The following LOXHD1 variants were observed in gnomAD, a reference collection of about 807,000 sequenced individuals.
The protein encoded by LOXHD1 is lipoxygenase homology PLAT domains 1, also known as lipoxygenase homology domain-containing protein 1.
A neutral mutation model predicts 248.2 loss-of-function variants in LOXHD1; 205 were observed. The ratio of observed to expected loss-of-function variants is 0.83; its 90% CI spans 0.74 to 0.93. LOXHD1 has a LOEUF of 0.93. Ranked by LOEUF, LOXHD1 falls within the 40% of genes least tolerant of loss-of-function variation. The pLI is 0.00. For missense variants in LOXHD1, 2,930 were observed against 2,971.6 expected (o/e 0.99, Z 0.33); for synonymous variants, 1,113 against 1,162.8 (o/e 0.96, Z 0.87).
intron 22 of LOXHD1, among the ~76,000 whole-genome samples, chr18:46,546,562 TCATTCCAATCTATTC>T (rs2036850665): frequency 6.7e-6 from 1 of 148,314 alleles, no homozygotes; most frequent in Non-Finnish European, 1.5e-5. Flanking sequence ...CCATCCCATT[TCATTCCAATCTATTC>T]CATTCCAATC....
intron 2 of LOXHD1, among the ~76,000 whole-genome samples, chr18:46,648,116 G>T (rs928479625): frequency 2.0e-5 from 3 of 152,100 alleles, no homozygotes; most frequent in African/African-American, 7.2e-5. Flanking sequence ...AAATTAGCCG[G>T]TTATGGTGGC....
chr18:46,485,393 G>A (rs973935787), intron 38 of LOXHD1, among the ~76,000 whole-genome samples: 1 of 151,942 alleles, frequency 6.6e-6, no homozygotes, highest in Non-Finnish European at 1.5e-5. Context: ...GCAAATATGG[G>A]AGCCACTGGG....
rs868712890 is a variant in LOXHD1 at position 46,494,847 on chromosome 18, C to T, written c.5879-5705G>A. Among the ~76,000 whole-genome samples the T allele has an allele frequency of 1.5e-3, 169 of 113,420 alleles. 3 individuals are homozygous for T. The highest frequency in any genetic ancestry group is 4.3e-3 in the African/African-American group (141 of 32,710). 74.4% of individuals were successfully genotyped at this position (113,420 alleles called of 152,430 possible). On this transcript the variant is annotated intron_variant, in intron 37 of 40. Transcript: ENST00000642948. ...ATTTTTCTTTCTCCTTTTTCTCTCT[C>T]TCTTTTTTTTTTTTTTTTTTTTTTG... is the stretch of plus-strand genomic sequence containing the variant.
rs1417408650 is a variant in LOXHD1 at position 46,538,225 on chromosome 18, A to G, written c.4026T>C (p.Tyr1342=). Residue 1342 remains tyrosine, a synonymous_variant, in exon 26 of 41, where the codon TAT becomes TAC. Coordinates refer to ENST00000642948, the MANE Select transcript of LOXHD1 (RefSeq NM_001384474.1). ...TCTGTTCCCTCTTGTTGGTACACAGATACTTCTGCTGGGTGCACACGGCAT... is the reference window on the plus strand; with the variant it reads ...TCTGTTCCCTCTTGTTGGTACACAGGTACTTCTGCTGGGTGCACACGGCAT... The part of the protein sequence containing the change: ...GCDAVCTQQK[Y]LCTNKREQKQ... 1.3e-6 allele frequency: 2 copies of G among 1,549,326 alleles called. No homozygotes were observed. The highest frequency in any genetic ancestry group is 1.7e-6 in the Non-Finnish European group (2 of 1,145,038).
intron 38 of LOXHD1, among the ~76,000 whole-genome samples, chr18:46,487,907 G>GATTGGGTT (rs1205662185): frequency 4.6e-5 from 7 of 152,302 alleles, no homozygotes; most frequent in Admixed American, 3.3e-4. Flanking sequence ...GCCAGCTTAG[G>GATTGGGTT]ATTGGGTTTC....
At chr18:46,488,220 C>T (rs997248262) in intron 38 of LOXHD1, among the ~76,000 whole-genome samples, 1 of 152,140 alleles carries the variant, frequency 6.6e-6, no homozygotes, top group Non-Finnish European at 1.5e-5. Context: ...GAGGATGTCC[C>T]AGAGAGAGAT....
At chr18:46,609,211 G>A (rs1325562729) in intron 6 of LOXHD1, among the ~76,000 whole-genome samples, 1 of 152,214 alleles carries the variant, frequency 6.6e-6, no homozygotes, top group African/African-American at 2.4e-5. Flanking sequence ...ATTGGAGGAT[G>A]AAAGTCCCAG....
intron 4 of LOXHD1, 123 bp from the exon 5 acceptor site, chr18:46,618,413 T>A: frequency 1.5e-6 from 1 of 672,828 alleles, no homozygotes; most frequent in Non-Finnish European, 2.6e-6. Flanking sequence ...TCACCATTAC[T>A]GTCAATAACA....
Position 46,507,700 on chromosome 18 carries a change from TC to T in LOXHD1, c.5529del (p.Asn1844ThrfsTer2), listed in dbSNP as rs1158446683. 1 of 1,550,882 alleles carries T rather than the reference TC, an allele frequency of 6.4e-7. No homozygotes were observed. Among genetic ancestry groups the T allele is most frequent in the Non-Finnish European group, 8.7e-7 (1 of 1,146,388 alleles). ...ATGGTCAGGTCTCCAGTGTTCATGT[TC>T]TTCAGTAGGATCTGGGGGAGAGGGA... is the stretch of plus-strand genomic sequence containing the variant. ...PEWFLERILL[K>X]NMNTGDLTMF... On this transcript the variant is annotated frameshift_variant, in exon 36 of 41. Coordinates refer to ENST00000642948, the MANE Select transcript of LOXHD1 (RefSeq NM_001384474.1). LOFTEE classifies it high-confidence loss of function.
chr18:46,602,829 A>C (rs1672257010), intron 7 of LOXHD1, among the ~76,000 whole-genome samples: 1 of 152,226 alleles, frequency 6.6e-6, no homozygotes, highest in Non-Finnish European at 1.5e-5. Context: ...ATGCATGGAC[A>C]AATGGTGTTC....
At chr18:46,609,290 C>T (rs534973056) in intron 6 of LOXHD1, among the ~76,000 whole-genome samples, 2 of 152,250 alleles carry the variant, frequency 1.3e-5, no homozygotes, top group South Asian at 4.2e-4. Flanking sequence ...CTGAGCTGAC[C>T]ACATTTGGAT....
intron 5 of LOXHD1, among the ~76,000 whole-genome samples, chr18:46,617,218 T>C (rs9950200): frequency 0.21 from 31,205 of 152,198 alleles, 3,654 homozygotes; most frequent in East Asian, 0.51. Flanking sequence ...AATTTCTCAG[T>C]ATTTTTTTTA....
At chr18:46,492,825 A>AT (rs1330478827) in intron 37 of LOXHD1, among the ~76,000 whole-genome samples, 2 of 152,226 alleles carry the variant, frequency 1.3e-5, no homozygotes, top group Admixed American at 1.3e-4. Context: ...ATTTCATTGA[A>AT]TGCACGTATC....
chr18:46,583,637 A>T (rs2038003285), intron 12 of LOXHD1, among the ~76,000 whole-genome samples: 1 of 152,184 alleles, frequency 6.6e-6, no homozygotes, highest in East Asian at 1.9e-4. Flanking sequence ...AACCATAGTG[A>T]AATATACCAT....
At chr18:46,549,977 T>C (rs921218741) in intron 21 of LOXHD1, among the ~76,000 whole-genome samples, 1 of 152,222 alleles carries the variant, frequency 6.6e-6, no homozygotes, top group South Asian at 2.1e-4. Flanking sequence ...CATTAGACTT[T>C]ATTGCAGATC....
chr18:46,621,970 TAGGC>T (rs1055709224), intron 4 of LOXHD1, among the ~76,000 whole-genome samples: 1 of 152,188 alleles, frequency 6.6e-6, no homozygotes, highest in African/African-American at 2.4e-5. Flanking sequence ...CCACATGTGA[TAGGC>T]AGGGCAGGTG....
intron 28 of LOXHD1, among the ~76,000 whole-genome samples, chr18:46,530,341 C>A (rs76230862): frequency 6.6e-6 from 1 of 152,172 alleles, no homozygotes; most frequent in Non-Finnish European, 1.5e-5. Context: ...AGGGAAGTGA[C>A]AGCTGGGCTT....
intron 21 of LOXHD1, among the ~76,000 whole-genome samples, chr18:46,550,108 T>C (rs1254786064): frequency 6.6e-6 from 1 of 152,210 alleles, no homozygotes; most frequent in Admixed American, 6.5e-5. Flanking sequence ...TTAAGTGACT[T>C]AACAAAGATA....
chr18:46,608,048 G>GGAAA (rs2038445997), intron 6 of LOXHD1, among the ~76,000 whole-genome samples: 1 of 147,356 alleles, frequency 6.8e-6, no homozygotes, highest in South Asian at 2.3e-4. Flanking sequence ...AAGGAAGGAA[G>GGAAA]GAAGGAAGGA....
Sources: gnomAD v4.1 joint callset for allele counts (sites outside exome capture counted in the v4.1 genomes callset) on GRCh38, gnomAD v4.1.1 for gene constraint, MANE v1.5 for transcripts, NCBI Gene and HGNC (gene_info 2026-07-23, HGNC 2026-07-21) for gene names.